Variants in ZNF582 observed in about 807,000 individuals in gnomAD.
ZNF582 encodes the protein zinc finger protein 582.
Under a neutral mutation model 12.3 loss-of-function variants are expected in ZNF582, and 14 were observed. The ratio of observed to expected loss-of-function variants is 1.14; its 90% CI spans 0.75 to 1.78. The LOEUF is 1.78. ZNF582 is among the 40% of genes most tolerant of loss of function. The probability of loss-of-function intolerance (pLI) is 0.00; values close to 1 mark genes in which losing one functional copy is unlikely to be tolerated. For missense variants in ZNF582, 567 were observed against 616.5 expected (o/e 0.92, Z 0.85); for synonymous variants, 210 against 207.2 (o/e 1.01, Z -0.11).
chr19:56,388,286 A>G (rs1600329034), intron 4 of ZNF582: 1 of 152,210 alleles, frequency 6.6e-6, no homozygotes, highest in Non-Finnish European at 1.5e-5. Context: ...TTTTATTCTG[A>G]CCTGGAAATG....
intron 4 of ZNF582, 125 bp downstream of exon 4, chr19:56,389,867 CTGAGGAAAA>C: frequency 4.8e-6 from 3 of 631,384 alleles, no homozygotes; most frequent in Non-Finnish European, 8.2e-6. Context: ...TGCTGACGAG[CTGAGGAAAA>C]CAACACGTAA....
chr19:56,387,131 G>T (rs1348162244), intron 4 of ZNF582, among the ~76,000 whole-genome samples: 1 of 152,190 alleles, frequency 6.6e-6, no homozygotes, highest in African/African-American at 2.4e-5. Context: ...TATGAGTGCT[G>T]TATTTTGTGC....
At chr19:56,388,692 GT>G (rs1449194992) in intron 4 of ZNF582, among the ~76,000 whole-genome samples, 25 of 152,088 alleles carry the variant, frequency 1.6e-4, no homozygotes, top group Non-Finnish European at 2.9e-4. Context: ...GAGCGCAGTG[GT>G]TCGATCTCGG....
At chr19:56,385,451 C>T (rs1300414671) in intron 4 of ZNF582, among the ~76,000 whole-genome samples, 6 of 151,972 alleles carry the variant, frequency 3.9e-5, no homozygotes, top group Admixed American at 3.9e-4. Flanking sequence ...TTTGGGAAGC[C>T]AAGAAGGGAG....
chr19:56,384,321 G>A (rs1418626958), exon 5 of ZNF582: 7 of 1,613,796 alleles, frequency 4.3e-6, no homozygotes, highest in Non-Finnish European at 5.9e-6. Flanking sequence ...CACTCATAGG[G>A]TTTCTCACCG....
intron 2 of ZNF582, among the ~76,000 whole-genome samples, chr19:56,390,863 C>T (rs1313718670): frequency 6.6e-6 from 1 of 152,120 alleles, no homozygotes; most frequent in East Asian, 1.9e-4. Context: ...TTTGGAATAA[C>T]AATAACAACA....
intron 3 of ZNF582, 85 bp downstream of exon 3, chr19:56,390,290 C>T: frequency 6.3e-7 from 1 of 1,593,890 alleles, no homozygotes; most frequent in South Asian, 1.1e-5. Flanking sequence ...ACCAACCAAT[C>T]ATAAGACTGA....
chr19:56,392,744 A>G (rs1486130253), intron 1 of ZNF582, among the ~76,000 whole-genome samples: 1 of 152,208 alleles, frequency 6.6e-6, no homozygotes, highest in Non-Finnish European at 1.5e-5. Flanking sequence ...AAGAAAAAAC[A>G]CCCAAGTATT....
intron 4 of ZNF582, chr19:56,388,360 G>C (rs2041985963): frequency 6.6e-6 from 1 of 152,202 alleles, no homozygotes; most frequent in African/African-American, 2.4e-5. Context: ...TGGTGAAAGG[G>C]AGAAAGCTCT....
At chr19:56,389,977 C>T in intron 4 of ZNF582, 24 bp downstream of exon 4, 1 of 1,602,180 alleles carries the variant, frequency 6.2e-7, no homozygotes, top group Admixed American at 1.7e-5. Context: ...GTGGCTGCTC[C>T]CTTCCCAATG....
At chr19:56,384,818 T>C in exon 5 of ZNF582, 1 of 1,601,466 alleles carries the variant, frequency 6.2e-7, no homozygotes, top group Non-Finnish European at 8.5e-7. Flanking sequence ...TTCCTTACAT[T>C]TATAGGGTTT....
chr19:56,384,361 T>C (rs1482302277), exon 5 of ZNF582: 2 of 1,612,334 alleles, frequency 1.2e-6, no homozygotes, highest in Admixed American at 1.7e-5. Flanking sequence ...GTATAAGAGT[T>C]GAGCCTTGAT....
exon 5 of ZNF582, chr19:56,383,999 T>C (rs774405206): frequency 4.3e-6 from 7 of 1,614,088 alleles, no homozygotes; most frequent in Non-Finnish European, 5.9e-6. Context: ...TTCTCTATTA[T>C]GCATTCTCTG....
At chr19:56,386,128 A>C (rs2041964115) in intron 4 of ZNF582, 1 of 152,218 alleles carries the variant, frequency 6.6e-6, no homozygotes, top group South Asian at 2.1e-4. Flanking sequence ...CAGTTTTAAA[A>C]AATAAAAATA....
intron 1 of ZNF582, among the ~76,000 whole-genome samples, 198 bp downstream of exon 1, chr19:56,393,022 A>G (rs894208795): frequency 1.3e-5 from 2 of 152,196 alleles, no homozygotes; most frequent in Non-Finnish European, 2.9e-5. Flanking sequence ...ATTGCTGGAC[A>G]TAGAATTTGA....
chr19:56,386,231 AG>A (rs1484914508), intron 4 of ZNF582: 2 of 152,232 alleles, frequency 1.3e-5, no homozygotes, highest in Non-Finnish European at 2.9e-5. Flanking sequence ...ATGCTGGTAC[AG>A]TGGCAGCTAT....
intron 1 of ZNF582, among the ~76,000 whole-genome samples, chr19:56,392,687 A>C (rs2042024291): frequency 6.6e-6 from 1 of 151,796 alleles, no homozygotes; most frequent in South Asian, 2.1e-4. Flanking sequence ...AAAGAAGTCA[A>C]ACTCACTAAC....
chr19:56,393,531 G>C, exon 1 of ZNF582: 1 of 479,358 alleles, frequency 2.1e-6, no homozygotes, highest in Non-Finnish European at 4.2e-6. Context: ...GATTCGCCGT[G>C]CGCAGCCGGA....
At chr19:56,392,637 A>G (rs1475027718) in intron 1 of ZNF582, among the ~76,000 whole-genome samples, 1 of 152,266 alleles carries the variant, frequency 6.6e-6, no homozygotes, top group Non-Finnish European at 1.5e-5. Context: ...ACTGACAAGC[A>G]AAGATATTAA....
Sources: gnomAD v4.1 joint callset for allele counts (sites outside exome capture counted in the v4.1 genomes callset) on GRCh38, gnomAD v4.1.1 for gene constraint, MANE v1.5 for transcripts, NCBI Gene and HGNC (gene_info 2026-07-23, HGNC 2026-07-21) for gene names.